PPP2R3A: variants seen among roughly 807,000 people sequenced by gnomAD.
PPP2R3A encodes the protein serine/threonine-protein phosphatase 2A regulatory subunit B'' subunit alpha.
Under a neutral mutation model 106.9 loss-of-function variants are expected in PPP2R3A, and 80 were observed. The observed-to-expected ratio is 0.75, with a 90% CI of 0.62 to 0.90. PPP2R3A has a LOEUF of 0.90. Ranked by LOEUF, PPP2R3A falls within the 40% of genes least tolerant of loss-of-function variation. PPP2R3A has a pLI of 0.00. For missense variants in PPP2R3A, 1,386 were observed against 1,350.4 expected (o/e 1.03, Z -0.41); for synonymous variants, 483 against 468.3 (o/e 1.03, Z -0.41).
At chr3:136,073,697 G>A in intron 6 of PPP2R3A, among the ~76,000 whole-genome samples, 1 of 152,108 alleles carries the variant, frequency 6.6e-6, no homozygotes, top group East Asian at 1.9e-4. Context: ...CACAAAAAGG[G>A]CAAATAAAAA....
chr3:135,969,372 T>C (rs1423285406), intron 1 of PPP2R3A, among the ~76,000 whole-genome samples: 1 of 152,176 alleles, frequency 6.6e-6, no homozygotes, highest in East Asian at 1.9e-4. Context: ...GTGGTTGATA[T>C]GGTACAAGGG....
chr3:136,035,407 T>A (rs1250816189), intron 3 of PPP2R3A, among the ~76,000 whole-genome samples: 1 of 152,252 alleles, frequency 6.6e-6, no homozygotes, highest in Non-Finnish European at 1.5e-5. Context: ...TTATCAGTTC[T>A]TGTAGTGGTG....
At chr3:136,050,629 T>C (rs1935654219) in intron 5 of PPP2R3A, among the ~76,000 whole-genome samples, 1 of 152,198 alleles carries the variant, frequency 6.6e-6, no homozygotes, top group African/African-American at 2.4e-5. Flanking sequence ...CTGTTTTCTT[T>C]TAAGGTTTTA....
chr3:136,117,575 C>G (rs1299551028), intron 13 of PPP2R3A, among the ~76,000 whole-genome samples: 1 of 152,132 alleles, frequency 6.6e-6, no homozygotes, highest in Non-Finnish European at 1.5e-5. Context: ...GAAATACAAA[C>G]TACTGTCAGA....
chr3:136,131,976 C>CA (rs1000491370), intron 13 of PPP2R3A, among the ~76,000 whole-genome samples: 28 of 139,360 alleles, frequency 2.0e-4, no homozygotes, highest in African/African-American at 7.6e-4. Context: ...AACATATGGA[C>CA]ACAGGGCGGG....
At chr3:136,064,188 G>A (rs1253501674) in intron 5 of PPP2R3A, among the ~76,000 whole-genome samples, 5 of 147,342 alleles carry the variant, frequency 3.4e-5, no homozygotes, top group African/African-American at 1.3e-4. Flanking sequence ...AACACCGCAT[G>A]TTCTCACTCA....
intron 13 of PPP2R3A, among the ~76,000 whole-genome samples, chr3:136,109,114 T>C (rs1050959334): frequency 6.6e-6 from 1 of 151,972 alleles, no homozygotes. Flanking sequence ...TAATATTCCA[T>C]AAGAAAAAAA....
intron 8 of PPP2R3A, among the ~76,000 whole-genome samples, chr3:136,084,610 G>A (rs187934885): frequency 2.2e-4 from 34 of 152,306 alleles, no homozygotes; most frequent in Admixed American, 2.2e-3. Flanking sequence ...TCCACCAATA[G>A]TTTGCACCAT....
intron 13 of PPP2R3A, among the ~76,000 whole-genome samples, chr3:136,137,473 G>GA (rs1938664241): frequency 6.9e-6 from 1 of 144,400 alleles, no homozygotes; most frequent in Non-Finnish European, 1.5e-5. Context: ...GTTTTCTATT[G>GA]AATGTTTTTA....
In PPP2R3A at chr3:136,001,818, A is replaced by T. The variant is rs143297708; in HGVS notation, c.320A>T (p.Tyr107Phe). ...VKRGSTFQNT[Y>F]NLKDIAGEAI... is the part of the protein sequence containing the mutation. ...AGAGGATCTACATTTCAGAATACCT[A>T]CAACTTAAAGGATATTGCAGGAGAA... The change falls in exon 2 of 14, where the codon TAC becomes TTC. Residue 107 changes from tyrosine (Y) to phenylalanine (F), a missense_variant. Tyr to Phe is a conservative substitution (Grantham distance 22, BLOSUM62 3). Coordinates refer to ENST00000264977, the MANE Select transcript of PPP2R3A (RefSeq NM_002718.5). 1 of 1,614,086 alleles carries T rather than the reference A, an allele frequency of 6.2e-7. No individual in the cohort carries two copies. The highest frequency in any genetic ancestry group is 1.3e-5 in the African/African-American group (1 of 74,948).
intron 2 of PPP2R3A, among the ~76,000 whole-genome samples, chr3:136,012,001 A>ACACG (rs1934103178): frequency 6.6e-6 from 1 of 151,650 alleles, no homozygotes. Flanking sequence ...ACATACACAC[A>ACACG]CACACACACA....
intron 3 of PPP2R3A, among the ~76,000 whole-genome samples, chr3:136,033,678 G>A (rs1934984557): frequency 1.3e-5 from 2 of 152,120 alleles, no homozygotes; most frequent in Non-Finnish European, 1.5e-5. Flanking sequence ...GTGTAAAGGT[G>A]TTCATAGTAA....
rs530984160 is a variant in PPP2R3A at position 136,062,546 on chromosome 3, G to A, written c.2470-7932G>A. Among the ~76,000 whole-genome samples, 17 of 152,066 alleles carry A rather than the reference G, an allele frequency of 1.1e-4. No individual in the cohort carries two copies. In the East Asian group the frequency reaches 1.9e-3, roughly 17 times the overall value. The stretch of plus-strand genomic sequence containing the variant: ...ATCCTGGCTAACACTGTGAAACCCC[G>A]TCTCCACTAAAAATACAAAAAATTA... On this transcript the variant is annotated intron_variant, in intron 5 of 13. Transcript: ENST00000264977.
Position 136,012,074 on chromosome 3 carries a change from T to C in PPP2R3A, c.1995+8581T>C, listed in dbSNP as rs576533717. On this transcript the variant is annotated intron_variant, in intron 2 of 13. Transcript: ENST00000264977. The stretch of plus-strand genomic sequence containing the variant: ...TATAGCACCAGTCACCAGGCATTTA[T>C]TTAACATGGCAGTGTCAGTGAAATA... 1.5e-4 allele frequency among the ~76,000 whole-genome samples: 23 copies of C among 152,224 alleles called. No homozygotes were observed. The East Asian group carries it at 3.9e-3, about 26-fold the overall frequency.
rs181577444 is a variant in PPP2R3A at position 136,006,680 on chromosome 3, T to C, written c.1995+3187T>C. On this transcript the variant is annotated intron_variant, in intron 2 of 13. Coordinates refer to ENST00000264977, the MANE Select transcript of PPP2R3A (RefSeq NM_002718.5). ...GGTGAATGATACAAAAGCACTGTTA[T>C]CACCCACCATTTAGCTTTGTCAAAT... 2.6e-5 allele frequency among the ~76,000 whole-genome samples: 4 copies of C among 152,342 alleles called. No individual in the cohort carries two copies. In the East Asian group the frequency reaches 5.8e-4, roughly 22 times the overall value.
chr3:136,020,426 ATTTGTAGT>A (rs1467445547), intron 2 of PPP2R3A, among the ~76,000 whole-genome samples: 1 of 151,976 alleles, frequency 6.6e-6, no homozygotes, highest in Non-Finnish European at 1.5e-5. Flanking sequence ...TTGTTGTCTG[ATTTGTAGT>A]TTTAGTTTCT....
At chr3:136,111,647 G>A (rs1937593428) in intron 13 of PPP2R3A, among the ~76,000 whole-genome samples, 1 of 150,990 alleles carries the variant, frequency 6.6e-6, no homozygotes, top group African/African-American at 2.4e-5. Flanking sequence ...AACTTGATCA[G>A]TAATTAAAAA....
In PPP2R3A at chr3:136,004,248, T is replaced by A. The variant is rs560413633; in HGVS notation, c.1995+755T>A. 5.9e-5 allele frequency among the ~76,000 whole-genome samples: 9 copies of A among 152,376 alleles called. No homozygotes were observed. The East Asian group carries it at 1.7e-3, about 29-fold the overall frequency. On this transcript the variant is annotated intron_variant, in intron 2 of 13. Transcript: ENST00000264977. ...AAGGCAGTTGTCTTCCCATTTTATT[T>A]ACATACGTGTGTCGTAGCACAACAA... is the stretch of plus-strand genomic sequence containing the variant.
chr3:136,120,871 C>T (rs1291141428), intron 13 of PPP2R3A, among the ~76,000 whole-genome samples: 2 of 152,022 alleles, frequency 1.3e-5, no homozygotes, highest in African/African-American at 4.8e-5. Flanking sequence ...ATCAAAACCA[C>T]AATGAGATAC....
Sources: gnomAD v4.1 joint callset for allele counts (sites outside exome capture counted in the v4.1 genomes callset) on GRCh38, gnomAD v4.1.1 for gene constraint, MANE v1.5 for transcripts, NCBI Gene and HGNC (gene_info 2026-07-23, HGNC 2026-07-21) for gene names.